Variants in USP36 observed in about 807,000 individuals in gnomAD.
USP36 encodes the protein ubiquitin carboxyl-terminal hydrolase 36.
In USP36, 59 loss-of-function variants were observed where a neutral mutation model predicts 111.5. That is an observed-to-expected ratio of 0.53 (90% confidence interval 0.43 to 0.66). The LOEUF (loss-of-function observed/expected upper bound fraction) is 0.66. USP36 is among the 30% of genes least tolerant of loss of function. USP36 has a pLI of 0.00. For missense variants in USP36, 1,488 were observed against 1,468.0 expected (o/e 1.01, Z -0.22); for synonymous variants, 628 against 581.0 (o/e 1.08, Z -1.16).
In USP36 at chr17:78,807,081, G is replaced by C. The variant is rs771024669; in HGVS notation, c.1963C>G (p.Pro655Ala). ...CSTAGHSKTP[P>A]SGADSKTVKL... is the part of the protein sequence containing the mutation. ...ACCGTCTTAGAATCTGCTCCACTTGGCGGCGTTTTGGAGTGGCCAGCGGTG... is the reference window on the plus strand; with the variant it reads ...ACCGTCTTAGAATCTGCTCCACTTGCCGGCGTTTTGGAGTGGCCAGCGGTG... Residue 655 changes from proline (P) to alanine (A), a missense_variant, in exon 14 of 21, where the codon CCA becomes GCA. This residue lies in a region of USP36 where 1,073 missense variants were observed against 994.1 expected (regional missense o/e 1.08). Transcript: ENST00000449938. 6 of 1,614,240 alleles carry C rather than the reference G, an allele frequency of 3.7e-6. No individual in the cohort carries two copies. In the South Asian group the frequency reaches 6.6e-5, roughly 18 times the overall value.
chr17:78,837,241 AAGG>A (rs936295992), intron 2 of USP36, among the ~76,000 whole-genome samples: 40 of 152,282 alleles, frequency 2.6e-4, no homozygotes, highest in Admixed American at 2.5e-3. Flanking sequence ...AAAAGTGAGG[AAGG>A]AGAAGAAAAG....
At chr17:78,806,381 A>T (rs2093901942) in intron 14 of USP36, 95 bp from the exon 15 acceptor site, 1 of 1,538,476 alleles carries the variant, frequency 6.5e-7, no homozygotes, top group Non-Finnish European at 8.8e-7. Context: ...GAAAATAAAA[A>T]CAAAAGAGCC....
chr17:78,819,132 C>T (rs1037222524), intron 9 of USP36: 1 of 192,014 alleles, frequency 5.2e-6, no homozygotes, highest in Non-Finnish European at 1.1e-5. Context: ...GGCAGGAAGT[C>T]AACGTAAGCA....
rs777774865 is a variant in USP36, at chr17:78,803,932, A to AGGG, written c.2260_2262dup (p.Pro754dup). ...GACAGCAATGTGGGGTGGGGGCTGA[A>AGGG]GGGGGGTTGCAGGCGGCTGGATGAT... On this transcript the variant is annotated inframe_insertion, in exon 16 of 21. Coordinates refer to ENST00000449938, the MANE Select transcript of USP36 (RefSeq NM_001385174.1). This position sits in a 1 kb window ranked among gnomAD's most constrained non-coding sequence, Gnocchi z 4.6. The AGGG allele has an allele frequency of 3.9e-6, 5 of 1,274,870 alleles. No individual in the cohort carries two copies. Among genetic ancestry groups the AGGG allele is most frequent in the Non-Finnish European group, 5.2e-6 (5 of 953,356 alleles). The allele number at this position is 1,274,870 out of a possible 1,614,324, so 79.0% of individuals were successfully genotyped here.
At chr17:78,834,997 G>GTGTGTA (rs968867639) in intron 4 of USP36, among the ~76,000 whole-genome samples, 1 of 141,392 alleles carries the variant, frequency 7.1e-6, no homozygotes, top group African/African-American at 2.8e-5. Flanking sequence ...AATAATATTT[G>GTGTGTA]TATATATATA....
chr17:78,834,265 A>T (rs1340424332), intron 4 of USP36, among the ~76,000 whole-genome samples: 1 of 151,912 alleles, frequency 6.6e-6, no homozygotes, highest in Non-Finnish European at 1.5e-5. Context: ...GTTACACAGA[A>T]ATAACATTGT....
At chr17:78,787,757 T>C (rs766378786) in intron 3 of USP36, 4 of 152,232 alleles carry the variant, frequency 2.6e-5, no homozygotes, top group Non-Finnish European at 4.4e-5. Flanking sequence ...TATGTTGAAG[T>C]CCTAAGCCCC....
In USP36 at chr17:78,807,157, G is replaced by T; in HGVS notation, c.1887C>A (p.Thr629=). Residue 629 remains threonine, a synonymous_variant, in exon 14 of 21, where the codon ACC becomes ACA. Transcript: ENST00000449938. ...AGAGATGGGCCGCTCCACTCCTGGG[G>T]GTCTGGGGGGCCTTGGTGGAGTCGC... is the stretch of plus-strand genomic sequence containing the variant. The part of the protein sequence containing the change: ...ASSDSTKAPQ[T]PRSGAAHLCD... 6.2e-7 allele frequency: 1 copy of T among 1,614,256 alleles called. No homozygotes were observed. Among genetic ancestry groups the T allele is most frequent in the East Asian group, 2.2e-5 (1 of 44,884 alleles).
In USP36 at chr17:78,802,464, CT is replaced by C; in HGVS notation, c.2881del (p.Arg961GlufsTer9). On this transcript the variant is annotated frameshift_variant, in exon 17 of 21. Coordinates refer to ENST00000449938, the MANE Select transcript of USP36 (RefSeq NM_001385174.1). LOFTEE classifies it high-confidence loss of function. ...ESPRKKKKKK[R>X]KQETQRAVEE... Reference sequence around the variant, plus strand: ...TACTGCCCGCTGTGTCTCCTGCTTTCTTTTTTTCTTTTTCTTTTTCCTTGGA... The same window carrying C: ...TACTGCCCGCTGTGTCTCCTGCTTTCTTTTTTCTTTTTCTTTTTCCTTGGA... 1.3e-6 allele frequency: 2 copies of C among 1,580,918 alleles called. No homozygotes were observed. Among genetic ancestry groups the C allele is most frequent in the Non-Finnish European group, 1.7e-6 (2 of 1,160,100 alleles).
At chr17:78,828,819 A>C (rs2067815235) in intron 5 of USP36, 78 bp downstream of exon 5, 1 of 1,403,356 alleles carries the variant, frequency 7.1e-7, no homozygotes, top group East Asian at 2.5e-5. Flanking sequence ...AGCCTGGGCA[A>C]CATAGCGAGA....
intron 10 of USP36, 133 bp from the exon 11 acceptor site, chr17:78,814,685 G>T: frequency 9.1e-7 from 1 of 1,102,810 alleles, no homozygotes; most frequent in Non-Finnish European, 1.3e-6. Flanking sequence ...GGGCACAGTG[G>T]CTCACGCCTG....
chr17:78,788,649 G>A (rs965314353), intron 3 of USP36, among the ~76,000 whole-genome samples: 4 of 152,276 alleles, frequency 2.6e-5, no homozygotes, highest in African/African-American at 7.2e-5. Flanking sequence ...ACCCGCATCT[G>A]CTAGAAGGCA....
chr17:78,832,939 G>A (rs1356578913), intron 4 of USP36, among the ~76,000 whole-genome samples: 3 of 152,056 alleles, frequency 2.0e-5, no homozygotes, highest in Admixed American at 6.6e-5. Flanking sequence ...ACCTGAGGTC[G>A]AGAGTTCAAG....
intron 10 of USP36, among the ~76,000 whole-genome samples, chr17:78,817,628 G>A (rs1298117245): frequency 2.6e-5 from 4 of 151,534 alleles, no homozygotes; most frequent in East Asian, 3.9e-4. Flanking sequence ...GGTGGTGGGC[G>A]CCTTAATCCC....
In USP36 at chr17:78,825,205, A is replaced by G. The variant is rs541088044; in HGVS notation, c.689+2040T>C. On this transcript the variant is annotated intron_variant, in intron 6 of 20. Transcript: ENST00000449938. ...TCTCAGCAGCCACCGCCAAGCATGC[A>G]GGAAACATTCACAAACGCTGGTCAC... is the stretch of plus-strand genomic sequence containing the variant. Among the ~76,000 whole-genome samples, 5 of 152,346 alleles carry G rather than the reference A, an allele frequency of 3.3e-5. No homozygotes were observed. The East Asian group carries it at 9.6e-4, about 29-fold the overall frequency.
chr17:78,798,540 A>G lies in USP36; in HGVS notation c.3252T>C (p.Ile1084=), dbSNP rs1415641014. The G allele has an allele frequency of 8.1e-6, 13 of 1,613,638 alleles. No individual in the cohort carries two copies. Among genetic ancestry groups the G allele is most frequent in the Non-Finnish European group, 1.1e-5 (13 of 1,180,028 alleles). The change falls in exon 20 of 21, where the codon ATT becomes ATC. Residue 1084 remains isoleucine, a synonymous_variant. Transcript: ENST00000449938. The surrounding 1 kb of genome is among the most constrained non-coding windows in gnomAD (Gnocchi z 5.1). ...TCCTCTTCTCTCTCTTAAATTTTTT[A>G]ATTTTCTTTTCCTAGACCAAGAATC... ...EEFDRGKEKK[I]KKFKREKRRN...
Position 78,797,574 on chromosome 17 carries a change from C to T in USP36, c.*326G>A, listed in dbSNP as rs1355166046. ...GATAGCCCCAACCAGGGGCAGCAGC[C>T]TCTGCCAGCACAGACCACTGTCTAT... On this transcript the variant is annotated 3_prime_UTR_variant, in exon 21 of 21. Transcript: ENST00000449938. 2 of 152,458 alleles carry T rather than the reference C, an allele frequency of 1.3e-5. No homozygotes were observed. Among genetic ancestry groups the T allele is most frequent in the East Asian group, 3.8e-4 (2 of 5,210 alleles). 9.4% of individuals were successfully genotyped at this position (152,458 alleles called of 1,614,324 possible).
chr17:78,817,134 G>C (rs1000353187), intron 10 of USP36, among the ~76,000 whole-genome samples: 13 of 152,182 alleles, frequency 8.5e-5, no homozygotes, highest in African/African-American at 2.4e-4. Context: ...ACTGCCTACA[G>C]TATTCAGGAC....
chr17:78,825,405 CAT>C (rs2067446425), intron 6 of USP36, among the ~76,000 whole-genome samples: 3 of 152,136 alleles, frequency 2.0e-5, no homozygotes, highest in African/African-American at 7.2e-5. Context: ...CCATTGGTGT[CAT>C]TCTTATTTTT....
Sources: gnomAD v4.1 joint callset for allele counts (sites outside exome capture counted in the v4.1 genomes callset) on GRCh38, gnomAD v4.1.1 for gene constraint, gnomAD v4.1.1 regional missense constraint, Gnocchi (gnomAD v3.1) non-coding constraint, MANE v1.5 for transcripts, NCBI Gene and HGNC (gene_info 2026-07-23, HGNC 2026-07-21) for gene names.